Variants in KIAA0753 observed in about 807,000 individuals in gnomAD.
KIAA0753 encodes the protein protein moonraker.
In KIAA0753, 114 loss-of-function variants were observed where a neutral mutation model predicts 116.9. The ratio of observed to expected loss-of-function variants is 0.98; its 90% CI spans 0.84 to 1.14. The LOEUF (loss-of-function observed/expected upper bound fraction) is 1.14, where lower values mean the gene tolerates loss of function less well. KIAA0753 is among the 50% of genes most tolerant of loss of function. The pLI, the probability that KIAA0753 is intolerant of heterozygous loss-of-function variation, is 0.00. For synonymous variants in KIAA0753, 405 were observed against 413.1 expected (o/e 0.98, Z 0.24); for missense variants, 1,156 against 1,172.4 (o/e 0.99, Z 0.20).
chr17:6,609,850 T>C (rs373237724), intron 9 of KIAA0753, 144 bp downstream of exon 9: 16 of 879,470 alleles, frequency 1.8e-5, no homozygotes, highest in African/African-American at 1.0e-4. Context: ...TTCTCATGTA[T>C]GACTCACCCA....
intron 10 of KIAA0753, 77 bp from the exon 11 acceptor site, chr17:6,607,347 A>G (rs1426345360): frequency 8.7e-7 from 1 of 1,155,704 alleles, no homozygotes; most frequent in African/African-American, 1.5e-5. Flanking sequence ...ACAGACCAGA[A>G]ATCAGGACCA....
At chr17:6,590,741 G>T in intron 16 of KIAA0753, 111 bp from the exon 17 acceptor site, 2 of 1,127,652 alleles carry the variant, frequency 1.8e-6, no homozygotes, top group Non-Finnish European at 2.6e-6. Context: ...CATCTCTTAA[G>T]CACGACAGGG....
chr17:6,590,745 G>A lies in KIAA0753; in HGVS notation c.2441-115C>T. The A allele has an allele frequency of 1.3e-5, 14 of 1,075,812 alleles. No homozygotes were observed. The Middle Eastern group carries it at 9.0e-4, about 69-fold the overall frequency. 66.6% of individuals were successfully genotyped at this position (1,075,812 alleles called of 1,614,324 possible). ...AGTTACATGGACATCTCTTAAGCAC[G>A]ACAGGGTTGGCTAGCAGTGCAATGG... On this transcript the variant is annotated intron_variant, in intron 16 of 18. Transcript: ENST00000361413.
intron 8 of KIAA0753, among the ~76,000 whole-genome samples, chr17:6,610,516 CT>C (rs71157206): frequency 7.1e-4 from 81 of 113,442 alleles, no homozygotes; most frequent in Middle Eastern, 5.9e-3. Flanking sequence ...TTTTCTTTCT[CT>C]TTTTTTTTTT....
chr17:6,583,678 C>A (rs1172236586), intron 18 of KIAA0753, among the ~76,000 whole-genome samples: 1 of 152,178 alleles, frequency 6.6e-6, no homozygotes, highest in African/African-American at 2.4e-5. Flanking sequence ...CTTTATCTTT[C>A]ATTCTAGAAT....
chr17:6,612,265 C>T, intron 7 of KIAA0753, 117 bp from the exon 8 acceptor site: 1 of 729,884 alleles, frequency 1.4e-6, no homozygotes, highest in African/African-American at 1.8e-5. Context: ...TGCTGAGAAG[C>T]AGATGTTTTG....
intron 1 of KIAA0753, chr17:6,636,412 C>A (rs1245138369): frequency 2.0e-5 from 3 of 152,118 alleles, no homozygotes; most frequent in African/African-American, 7.2e-5. Context: ...CTCCTGGCTG[C>A]TTCTAGGTGC....
At chr17:6,631,977 G>A (rs1972044868) in intron 2 of KIAA0753, among the ~76,000 whole-genome samples, 1 of 152,078 alleles carries the variant, frequency 6.6e-6, no homozygotes, top group South Asian at 2.1e-4. Flanking sequence ...CCGCCTCCTG[G>A]GTTCAAGTGA....
chr17:6,640,089 A>G (rs1972566200), intron 1 of KIAA0753: 2 of 152,742 alleles, frequency 1.3e-5, no homozygotes. Flanking sequence ...ATGGCCGCTG[A>G]CGGCCCTGTG....
chr17:6,633,657 G>A (rs1442812799), intron 2 of KIAA0753, among the ~76,000 whole-genome samples: 19 of 151,902 alleles, frequency 1.3e-4, no homozygotes, highest in African/African-American at 2.9e-4. Context: ...ATTGGAGAAC[G>A]GATAAACAAA....
At chr17:6,616,786 A>G (rs373414273) in intron 7 of KIAA0753, among the ~76,000 whole-genome samples, 4 of 152,328 alleles carry the variant, frequency 2.6e-5, no homozygotes, top group East Asian at 3.9e-4. Context: ...AGATCGTGCC[A>G]CTGCACTCCA....
chr17:6,590,679 T>C (rs1244098290), intron 16 of KIAA0753, 49 bp from the exon 17 acceptor site: 1 of 1,607,008 alleles, frequency 6.2e-7, no homozygotes, highest in Non-Finnish European at 8.5e-7. Flanking sequence ...ACAGTTGGTG[T>C]CCATTTTAGA....
intron 7 of KIAA0753, among the ~76,000 whole-genome samples, chr17:6,617,015 A>G (rs1397041249): frequency 6.6e-6 from 1 of 151,978 alleles, no homozygotes; most frequent in Non-Finnish European, 1.5e-5. Flanking sequence ...ACTGGTGTCC[A>G]TTTTTCACTA....
In KIAA0753 at chr17:6,578,744, A is replaced by T. The variant is rs1967934468; in HGVS notation, c.*1003T>A. On this transcript the variant is annotated 3_prime_UTR_variant, in exon 19 of 19. Coordinates refer to ENST00000361413, the MANE Select transcript of KIAA0753 (RefSeq NM_014804.3). ...CTTTCCAGGCAGTGGCCTGATTCTT[A>T]CGCACATTCCGTTTCTTTTTCTGAA... is the stretch of plus-strand genomic sequence containing the variant. 1 of 152,212 alleles carries T rather than the reference A, an allele frequency of 6.6e-6. No homozygotes were observed. Among genetic ancestry groups the T allele is most frequent in the Non-Finnish European group, 1.5e-5 (1 of 68,042 alleles). 9.4% of individuals were successfully genotyped at this position (152,212 alleles called of 1,614,324 possible).
intron 12 of KIAA0753, among the ~76,000 whole-genome samples, chr17:6,604,923 G>A (rs1182957847): frequency 1.3e-5 from 2 of 151,872 alleles, no homozygotes; most frequent in African/African-American, 4.8e-5. Flanking sequence ...GACATTTTCA[G>A]ACTTGAAAGG....
chr17:6,608,872 T>C (rs1970358661), intron 9 of KIAA0753, among the ~76,000 whole-genome samples: 1 of 152,150 alleles, frequency 6.6e-6, no homozygotes, highest in Non-Finnish European at 1.5e-5. Flanking sequence ...CCACCACACA[T>C]GCACTCTAAA....
At chr17:6,590,059 A>G in intron 17 of KIAA0753, 56 bp from the exon 18 acceptor site, 2 of 1,317,698 alleles carry the variant, frequency 1.5e-6, no homozygotes, top group Non-Finnish European at 2.1e-6. Context: ...GCAAGACTAA[A>G]CTGTTAATTT....
In KIAA0753 at chr17:6,628,533, A is replaced by C; in HGVS notation, c.302T>G (p.Val101Gly). ...VISQERLSYA[V>G]HLARRDVKRR... ...TTTCACATCTCTTCTGGCTAGGTGG[A>C]CAGCATAGCTAAGTCTCTCTTGGGA... The change falls in exon 3 of 19, where the codon GTC becomes GGC. Residue 101 changes from valine to glycine, a missense_variant. Val to Gly is a moderately radical substitution (Grantham distance 109, BLOSUM62 -3). Transcript: ENST00000361413. 1 of 1,614,196 alleles carries C rather than the reference A, an allele frequency of 6.2e-7. No individual in the cohort carries two copies. Among genetic ancestry groups the C allele is most frequent in the Non-Finnish European group, 8.5e-7 (1 of 1,180,026 alleles).
intron 7 of KIAA0753, among the ~76,000 whole-genome samples, chr17:6,618,714 T>G (rs777721715): frequency 3.2e-4 from 48 of 152,286 alleles, no homozygotes; most frequent in Admixed American, 1.6e-3. Context: ...CACAGAATAG[T>G]GGCAGATTGA....
Sources: allele counts gnomAD v4.1 joint callset (sites outside exome capture counted in the v4.1 genomes callset), GRCh38; gene constraint gnomAD v4.1.1; transcripts MANE v1.5; gene names NCBI Gene and HGNC (gene_info 2026-07-23, HGNC 2026-07-21).